CADPS: variants seen among roughly 807,000 people sequenced by gnomAD.
CADPS encodes calcium dependent secretion activator.
In CADPS, 57 loss-of-function variants were observed where a neutral mutation model predicts 167.3. The observed-to-expected ratio is 0.34, with a 90% CI of 0.28 to 0.42. CADPS has a LOEUF of 0.42. CADPS is among the 20% of genes least tolerant of loss of function. The probability of loss-of-function intolerance (pLI) is 1.00; values close to 1 mark genes in which losing one functional copy is unlikely to be tolerated. For missense variants in CADPS, 1,414 were observed against 1,738.1 expected (o/e 0.81, Z 3.32); for synonymous variants, 676 against 635.3 (o/e 1.06, Z -0.96).
At position 62,399,092 on chromosome 3, in the gene CADPS, C is replaced by T. The variant is rs1003869742; in HGVS notation, c.*314G>A. ...ATTTACCACCAATGCATACATAGTA[C>T]ATGAATGAAGCATCATTGATCTTTG... On this transcript the variant is annotated 3_prime_UTR_variant, in exon 30 of 30. Transcript: ENST00000383710. This position sits in a 1 kb window ranked among gnomAD's most constrained non-coding sequence, Gnocchi z 5.6. 3.8e-6 allele frequency: 1 copy of T among 263,326 alleles called. No homozygotes were observed. The highest frequency in any genetic ancestry group is 7.4e-6 in the Non-Finnish European group (1 of 135,620). The allele number at this position is 263,326 out of a possible 1,614,324, so 16.3% of individuals were successfully genotyped here. A position where few individuals can be genotyped will look rare whatever the true frequency, so the allele number is the denominator to read the frequency against.
intron 1 of CADPS, among the ~76,000 whole-genome samples, chr3:62,852,941 T>C (rs1055274337): frequency 1.3e-5 from 2 of 152,254 alleles, no homozygotes; most frequent in Admixed American, 1.3e-4. Context: ...AATTACTCCT[T>C]TATTTTAAAA....
intron 3 of CADPS, among the ~76,000 whole-genome samples, chr3:62,690,543 G>C (rs969576699): frequency 2.6e-5 from 4 of 151,842 alleles, no homozygotes; most frequent in Admixed American, 2.6e-4. Context: ...TCTCATCTGT[G>C]TTAAGTTAAA....
At chr3:62,710,849 G>T (rs1007688924) in intron 3 of CADPS, among the ~76,000 whole-genome samples, 2 of 147,162 alleles carry the variant, frequency 1.4e-5, no homozygotes, top group African/African-American at 2.6e-5. Context: ...AAACACTCAG[G>T]CTAACCGGAG....
At chr3:62,697,313 C>T (rs556129501) in intron 3 of CADPS, among the ~76,000 whole-genome samples, 32 of 151,998 alleles carry the variant, frequency 2.1e-4, no homozygotes, top group Non-Finnish European at 3.4e-4. Context: ...ATTCTTATGC[C>T]TTTGCATCCT....
intron 3 of CADPS, among the ~76,000 whole-genome samples, chr3:62,748,344 CAAAAAAAAA>C (rs60942307): frequency 4.7e-4 from 23 of 48,494 alleles, no homozygotes; most frequent in East Asian, 1.2e-3. Flanking sequence ...GACTCCGTCT[CAAAAAAAAA>C]AAAAAAAAAA....
At chr3:62,467,344 A>C (rs926744922) in intron 24 of CADPS, 4 of 1,236,082 alleles carry the variant, frequency 3.2e-6, no homozygotes, top group Non-Finnish European at 2.1e-6. Context: ...AGGAACAGAA[A>C]AAAAAAGGAA....
chr3:62,636,718 A>G (rs1204180112), intron 6 of CADPS, among the ~76,000 whole-genome samples: 2 of 152,210 alleles, frequency 1.3e-5, no homozygotes, highest in Non-Finnish European at 2.9e-5. Context: ...GCCCTGATCC[A>G]GAAAGAAGCC....
intron 28 of CADPS, among the ~76,000 whole-genome samples, chr3:62,406,456 T>G (rs531853092): frequency 1.1e-4 from 16 of 152,310 alleles, no homozygotes; most frequent in African/African-American, 3.8e-4. Flanking sequence ...CCCTATTTTG[T>G]TTAGTCCTTG....
At chr3:62,729,538 T>A (rs1169892464) in intron 3 of CADPS, among the ~76,000 whole-genome samples, 1 of 151,942 alleles carries the variant, frequency 6.6e-6, no homozygotes, top group East Asian at 1.9e-4. Flanking sequence ...ATCTCAGGTC[T>A]GCTACTCACT....
chr3:62,483,038 C>T (rs1234285430), intron 21 of CADPS, among the ~76,000 whole-genome samples: 1 of 151,968 alleles, frequency 6.6e-6, no homozygotes, highest in Non-Finnish European at 1.5e-5. Context: ...AAGCTGGCAC[C>T]GTGTGTCTCA....
intron 27 of CADPS, chr3:62,440,113 C>T (rs749589723): frequency 5.9e-5 from 9 of 152,144 alleles, no homozygotes. Flanking sequence ...TTTGTTTGGC[C>T]TGTTTTCTAT....
chr3:62,541,888 T>C (rs908543523), intron 11 of CADPS, among the ~76,000 whole-genome samples: 19 of 152,290 alleles, frequency 1.2e-4, no homozygotes, highest in Admixed American at 2.6e-4. Context: ...TTCTAACATA[T>C]ATATTTTTAG....
intron 1 of CADPS, among the ~76,000 whole-genome samples, chr3:62,837,523 G>A (rs928443254): frequency 6.6e-6 from 1 of 152,190 alleles, no homozygotes; most frequent in African/African-American, 2.4e-5. Context: ...AATGGTGAAT[G>A]GCCCCTGATT....
chr3:62,596,918 C>G (rs1188210051), intron 6 of CADPS, among the ~76,000 whole-genome samples: 1 of 152,134 alleles, frequency 6.6e-6, no homozygotes, highest in African/African-American at 2.4e-5. Context: ...GAATTATGAC[C>G]AAGCTGGACC....
In CADPS at chr3:62,524,845, C is replaced by T. The variant is rs184115687; in HGVS notation, c.2292-6595G>A. Among the ~76,000 whole-genome samples the T allele has an allele frequency of 3.5e-4, 53 of 152,206 alleles. 1 individual carries two copies. Among genetic ancestry groups the T allele is most frequent in the Admixed American group, 3.0e-3 (46 of 15,284 alleles). ...ATGCAGGAAAGCATGCATTTTACCC[C>T]CAAGAGGACCAATTTTAAAAATTGG... On this transcript the variant is annotated intron_variant, in intron 13 of 29. Transcript: ENST00000383710.
intron 1 of CADPS, among the ~76,000 whole-genome samples, chr3:62,861,451 T>G (rs1458669182): frequency 2.6e-5 from 4 of 152,184 alleles, no homozygotes; most frequent in Non-Finnish European, 4.4e-5. Context: ...GAAATGCCTT[T>G]GAACTATTGA....
At chr3:62,797,331 T>C (rs980888843) in intron 1 of CADPS, among the ~76,000 whole-genome samples, 1 of 152,264 alleles carries the variant, frequency 6.6e-6, no homozygotes, top group African/African-American at 2.4e-5. Flanking sequence ...AGATCAAGTC[T>C]TGCCTTCTGT....
chr3:62,721,365 A>G (rs2075799466), intron 3 of CADPS, among the ~76,000 whole-genome samples: 1 of 152,058 alleles, frequency 6.6e-6, no homozygotes, highest in South Asian at 2.1e-4. Flanking sequence ...ACTCAGGAGC[A>G]GATTTTATGG....
intron 14 of CADPS, 58 bp from the exon 15 acceptor site, chr3:62,516,701 G>T: frequency 8.0e-7 from 1 of 1,246,090 alleles, no homozygotes; most frequent in Non-Finnish European, 1.2e-6. Flanking sequence ...CATGAAATAT[G>T]CTGCAATTTG....
Sources: allele counts gnomAD v4.1 joint callset (sites outside exome capture counted in the v4.1 genomes callset), GRCh38; gene constraint gnomAD v4.1.1; non-coding constraint Gnocchi (gnomAD v3.1); transcripts MANE v1.5; gene names NCBI Gene and HGNC (gene_info 2026-07-23, HGNC 2026-07-21).